SHROOM2: variants seen among roughly 807,000 people sequenced by gnomAD.
The protein encoded by SHROOM2 is shroom family member 2, also known as protein Shroom2.
Under a neutral mutation model 75.9 loss-of-function variants are expected in SHROOM2, and 33 were observed. The ratio of observed to expected loss-of-function variants is 0.43; its 90% CI spans 0.33 to 0.58. The LOEUF (loss-of-function observed/expected upper bound fraction) is 0.58. Ranked by LOEUF, SHROOM2 falls within the 20% of genes least tolerant of loss-of-function variation. The probability of loss-of-function intolerance (pLI) is 0.04; values close to 1 mark genes in which losing one functional copy is unlikely to be tolerated. For missense variants in SHROOM2, 1,434 were observed against 1,461.2 expected, an observed-to-expected ratio of 0.98 and a Z score of 0.30; for synonymous variants, 655 against 663.6, an observed-to-expected ratio of 0.99 and a Z score of 0.20.
In SHROOM2 at chrX:9,809,427, C is replaced by T. The variant is rs780551736; in HGVS notation, c.165+22717C>T. Among the ~76,000 whole-genome samples the T allele has an allele frequency of 8.1e-5, 9 of 111,768 alleles. No individual in the cohort carries two copies. In the Admixed American group the frequency reaches 8.6e-4, roughly 11 times the overall value. ...AATGTTAATCTCTTTTGGCAACACCCTCACAGACACACCCAGGATCAATAC... is the reference window on the plus strand; with the variant it reads ...AATGTTAATCTCTTTTGGCAACACCTTCACAGACACACCCAGGATCAATAC... On this transcript the variant is annotated intron_variant, in intron 1 of 9. Transcript: ENST00000380913.
intron 5 of SHROOM2, among the ~76,000 whole-genome samples, chrX:9,920,660 G>A (rs757074539): frequency 2.7e-4 from 30 of 112,063 alleles, no homozygotes; most frequent in Admixed American, 7.6e-4. Context: ...TAACAAAAAA[G>A]TCAGCTAATA....
rs540528257 is a variant in SHROOM2, at chrX:9,851,302, C to T, written c.166-22350C>T. Among the ~76,000 whole-genome samples the T allele has an allele frequency of 6.7e-4, 75 of 111,359 alleles. No homozygotes were observed. The South Asian group carries it at 0.027, about 40-fold the overall frequency. On this transcript the variant is annotated intron_variant, in intron 1 of 9. Transcript: ENST00000380913. ...GGGATTATAGGTGTGAGCCACCATG[C>T]CTGGCCTCTTTTTTTATTTTGAGAT...
At chrX:9,935,163 G>A (rs185860939) in intron 6 of SHROOM2, among the ~76,000 whole-genome samples, 15 of 110,740 alleles carry the variant, frequency 1.4e-4, no homozygotes, top group Non-Finnish European at 2.6e-4. Context: ...TGCACAAAAG[G>A]GGGAGGATAC....
chrX:9,866,303 G>A (rs1425270921), intron 1 of SHROOM2, among the ~76,000 whole-genome samples: 1 of 109,551 alleles, frequency 9.1e-6, no homozygotes, highest in African/African-American at 3.3e-5. Context: ...ACTGAGAGGT[G>A]ACTTCAGTGC....
chrX:9,803,188 C>T (rs1221831921), intron 1 of SHROOM2, among the ~76,000 whole-genome samples: 1 of 107,414 alleles, frequency 9.3e-6, no homozygotes, highest in Non-Finnish European at 1.9e-5. Flanking sequence ...AGTCCTCCTG[C>T]CTCAGCCTCC....
intron 1 of SHROOM2, among the ~76,000 whole-genome samples, chrX:9,852,955 C>T (rs1326403701): frequency 8.9e-6 from 1 of 111,800 alleles, no homozygotes; most frequent in Non-Finnish European, 1.9e-5. Flanking sequence ...GTGCCTCACT[C>T]TGCATTCTCC....
Position 9,946,582 on chromosome X carries a change from C to T in SHROOM2, c.4585-89C>T, listed in dbSNP as rs1161314984. On this transcript the variant is annotated intron_variant, in intron 9 of 9. Transcript: ENST00000380913. ...GGGTTTCCATCGATAAGTTGTGGGACCAGCCCACAAGTTGCCAGTGTCTTC... is the reference window on the plus strand; with the variant it reads ...GGGTTTCCATCGATAAGTTGTGGGATCAGCCCACAAGTTGCCAGTGTCTTC... 2.3e-5 allele frequency: 21 copies of T among 894,156 alleles called. No individual in the cohort carries two copies. In the South Asian group the frequency reaches 4.7e-4, roughly 20 times the overall value. 73.7% of individuals were successfully genotyped at this position (894,156 alleles called of 1,213,427 possible).
intron 2 of SHROOM2, among the ~76,000 whole-genome samples, chrX:9,877,160 G>A (rs986668082): frequency 1.8e-5 from 2 of 111,990 alleles, no homozygotes; most frequent in Non-Finnish European, 3.8e-5. Flanking sequence ...TGGGCAACGT[G>A]GACCTTGTGG....
At chrX:9,820,899 C>T (rs1322561360) in intron 1 of SHROOM2, among the ~76,000 whole-genome samples, 2 of 112,429 alleles carry the variant, frequency 1.8e-5, no homozygotes, top group South Asian at 3.6e-4. Flanking sequence ...ATAGCATGAA[C>T]GCTGCTGTAG....
chrX:9,799,694 C>A (rs1488194236), intron 1 of SHROOM2, among the ~76,000 whole-genome samples: 1 of 108,740 alleles, frequency 9.2e-6, no homozygotes, highest in Non-Finnish European at 1.9e-5. Context: ...TTTATCTGTC[C>A]TCTCTCTCTC....
In SHROOM2 at chrX:9,944,668, A is replaced by G; in HGVS notation, c.4339A>G (p.Lys1447Glu). The G allele has an allele frequency of 8.3e-7, 1 of 1,209,166 alleles. No individual in the cohort carries two copies. The highest frequency in any genetic ancestry group is 1.1e-6 in the Non-Finnish European group (1 of 894,022). ...KQELIESISR[K>E]LQVLREARES... is the part of the protein sequence containing the mutation. ...GGAGCTCATCGAGAGCATCAGCCGC[A>G]AGCTGCAGGTGCTCCGGGAGGCCCG... Residue 1447 changes from lysine (K) to glutamate (E), a missense_variant, in exon 9 of 10, where the codon AAG becomes GAG. Physicochemically the swap from Lys to Glu is moderately conservative, Grantham distance 56. Coordinates refer to ENST00000380913, the MANE Select transcript of SHROOM2 (RefSeq NM_001649.4).
At chrX:9,878,554 C>T (rs1385483556) in intron 2 of SHROOM2, among the ~76,000 whole-genome samples, 1 of 112,246 alleles carries the variant, frequency 8.9e-6, no homozygotes, top group African/African-American at 3.2e-5. Context: ...GCCCTGACTG[C>T]TGCTCCAAGC....
intron 1 of SHROOM2, among the ~76,000 whole-genome samples, chrX:9,859,941 A>G (rs2084094548): frequency 8.9e-6 from 1 of 111,970 alleles, no homozygotes; most frequent in South Asian, 3.8e-4. Context: ...TTTACAGGGC[A>G]GGAGGTTAAA....
chrX:9,907,978 G>A, intron 5 of SHROOM2, among the ~76,000 whole-genome samples: 1 of 112,641 alleles, frequency 8.9e-6, no homozygotes, highest in Middle Eastern at 4.6e-3. Flanking sequence ...GGGGTGTAAG[G>A]GATGGTCTTA....
intron 1 of SHROOM2, among the ~76,000 whole-genome samples, chrX:9,809,297 T>C (rs2083778610): frequency 9.0e-6 from 1 of 111,368 alleles, no homozygotes; most frequent in African/African-American, 3.3e-5. Flanking sequence ...GGGAGAAAGA[T>C]GTAGGCTAGA....
intron 1 of SHROOM2, among the ~76,000 whole-genome samples, chrX:9,870,257 A>T (rs2084164445): frequency 8.9e-6 from 1 of 111,733 alleles, no homozygotes; most frequent in African/African-American, 3.3e-5. Context: ...GACACTTCAA[A>T]ATACAGGCTC....
In SHROOM2 at chrX:9,822,982, ATAATTC is replaced by A. The variant is rs200899216; in HGVS notation, c.165+36274_165+36279del. ...AAACTCAATTTTGAGAATAAGAATA[ATAATTC>A]TTCTTCTTCTTCTTCTTCTTCTTCT... On this transcript the variant is annotated intron_variant, in intron 1 of 9. Transcript: ENST00000380913. Among the ~76,000 whole-genome samples, 148 of 90,866 alleles carry A rather than the reference ATAATTC, an allele frequency of 1.6e-3. 2 individuals are homozygous for A. Among genetic ancestry groups the A allele is most frequent in the African/African-American group, 3.3e-3 (80 of 23,999 alleles). The allele number at this position is 90,866 out of a possible 115,157, so 78.9% of individuals were successfully genotyped here.
chrX:9,907,404 C>T (rs751594538), intron 5 of SHROOM2, among the ~76,000 whole-genome samples: 1 of 111,161 alleles, frequency 9.0e-6, no homozygotes, highest in East Asian at 2.9e-4. Flanking sequence ...AGCACCCTCC[C>T]GGCTCCCCTT....
chrX:9,915,005 T>G (rs751047494), intron 5 of SHROOM2, among the ~76,000 whole-genome samples: 7 of 112,310 alleles, frequency 6.2e-5, no homozygotes, highest in Non-Finnish European at 1.3e-4. Context: ...AGAAACCCGT[T>G]AATCAGGCAG....
Sources: allele counts gnomAD v4.1 joint callset (sites outside exome capture counted in the v4.1 genomes callset), GRCh38; gene constraint gnomAD v4.1.1; transcripts MANE v1.5; gene names NCBI Gene and HGNC (gene_info 2026-07-23, HGNC 2026-07-21).